Variants in STAT6 observed in about 807,000 individuals in gnomAD.
STAT6 encodes signal transducer and activator of transcription 6.
In STAT6, 45 loss-of-function variants were observed where a neutral mutation model predicts 106.3. The ratio of observed to expected loss-of-function variants is 0.42; its 90% CI spans 0.33 to 0.54. The LOEUF (loss-of-function observed/expected upper bound fraction) is 0.54, where lower values mean the gene tolerates loss of function less well. STAT6 is among the 20% of genes least tolerant of loss of function. The pLI, the probability that STAT6 is intolerant of heterozygous loss-of-function variation, is 0.06. For synonymous variants in STAT6, 413 were observed against 413.6 expected, an observed-to-expected ratio of 1.00 and a Z score of 0.02; for missense variants, 797 against 1,062.2, an observed-to-expected ratio of 0.75 and a Z score of 3.47.
Position 57,098,560 on chromosome 12 carries a change from G to C in STAT6, c.2104C>G (p.Pro702Ala), listed in dbSNP as rs1247600710. 4 of 1,614,122 alleles carry C rather than the reference G, an allele frequency of 2.5e-6. No homozygotes were observed. Among genetic ancestry groups the C allele is most frequent in the African/African-American group, 1.3e-5 (1 of 75,020 alleles). ...TCTTCTGGGGAGAGGCCTTGATACG[G>C]GGGGATGGAGTGAGAGTGTGGTGGG... ...VYPPHSHSIP[P>A]YQGLSPEESV... Residue 702 changes from proline to alanine, a missense_variant, in exon 19 of 22, where the codon CCG (proline) becomes GCG (alanine). By Grantham distance (27) the Pro-to-Ala change is conservative (BLOSUM62 -1). Coordinates refer to ENST00000300134, the MANE Select transcript of STAT6 (RefSeq NM_003153.5).
At chr12:57,097,587 T>G (rs899992804) in intron 19 of STAT6, among the ~76,000 whole-genome samples, 1 of 152,164 alleles carries the variant, frequency 6.6e-6, no homozygotes, top group African/African-American at 2.4e-5. Flanking sequence ...ATGCACCACA[T>G]TAACGACATT....
intron 17 of STAT6, 38 bp from the exon 18 acceptor site, chr12:57,098,940 G>A: frequency 6.2e-7 from 1 of 1,612,884 alleles, no homozygotes; most frequent in Non-Finnish European, 8.5e-7. Context: ...CTGACCAAGG[G>A]TTGATGCCAC....
chr12:57,105,445 G>A (rs755850751), intron 8 of STAT6, 23 bp downstream of exon 8: 2 of 1,613,810 alleles, frequency 1.2e-6, no homozygotes, highest in South Asian at 2.2e-5. Context: ...TTCTAGGCCA[G>A]ACTGGGAGCT....
chr12:57,105,585 A>T lies in STAT6; in HGVS notation c.695T>A (p.Val232Glu). 1.2e-6 allele frequency: 2 copies of T among 1,613,848 alleles called. No homozygotes were observed. Among genetic ancestry groups the T allele is most frequent in the Non-Finnish European group, 1.7e-6 (2 of 1,179,882 alleles). ...CTGCTGTAGCTGGGAATAAATGTCC[A>T]CCAGGCTTTCACACCTGGGGCCAGG... ...APLQERCESL[V>E]DIYSQLQQEV... Residue 232 changes from valine to glutamate, a missense_variant, in exon 8 of 22, where the codon GTG (valine) becomes GAG (glutamate). Val to Glu is a moderately radical substitution (Grantham distance 121, BLOSUM62 -2). Around this residue, in one of 4 missense-constraint regions of STAT6, gnomAD observed 336 missense variants for 429.8 expected, o/e 0.78. Coordinates refer to ENST00000300134, the MANE Select transcript of STAT6 (RefSeq NM_003153.5).
intron 13 of STAT6, 108 bp downstream of exon 13, chr12:57,102,182 C>G (rs1403149203): frequency 4.9e-6 from 6 of 1,221,016 alleles, no homozygotes; most frequent in Non-Finnish European, 7.1e-6. Context: ...CCTGAGGGGG[C>G]ACTGTGGAGA....
intron 11 of STAT6, 43 bp from the exon 12 acceptor site, chr12:57,102,964 CCTTTTTTTTTTTTTTTTTTTTTTTTTTT>C: frequency 2.5e-5 from 7 of 279,912 alleles, no homozygotes; most frequent in South Asian, 1.0e-4. Context: ...TTCTTTCTTT[CCTTTTTTTTTTTTTTTTTTTTTTTTTTT>C]TTTTTTTTTT....
Position 57,099,724 on chromosome 12 carries a change from GGGCACA to G in STAT6, c.1744+37_1744+42del. On this transcript the variant is annotated intron_variant, in intron 15 of 21. Transcript: ENST00000300134. The surrounding 1 kb of genome is among the most constrained non-coding windows in gnomAD (Gnocchi z 4.7). ...TTTCATTCCCAGAAGAAACCCCAGA[GGGCACA>G]GGCACAGAGACAGAGGACTGGCTGG... 1 of 1,611,806 alleles carries G rather than the reference GGGCACA, an allele frequency of 6.2e-7. No homozygotes were observed. Among genetic ancestry groups the G allele is most frequent in the Non-Finnish European group, 8.5e-7 (1 of 1,178,600 alleles).
chr12:57,104,980 C>T (rs1377949084), intron 9 of STAT6, among the ~76,000 whole-genome samples, 167 bp from the exon 10 acceptor site: 1 of 152,038 alleles, frequency 6.6e-6, no homozygotes, highest in Non-Finnish European at 1.5e-5. Context: ...GATGCCCCCA[C>T]CCCATTCCAG....
rs140085200 is a variant in STAT6 at position 57,102,916 on chromosome 12, C to T, written c.1218G>A (p.Leu406=). The change falls in exon 12 of 22, where the codon CTG becomes CTA. Residue 406 remains leucine, a synonymous_variant. Coordinates refer to ENST00000300134, the MANE Select transcript of STAT6 (RefSeq NM_003153.5). The part of the protein sequence containing the change: ...PGKLPIQLQA[L]SLPLVVIVHG... ...GGACGATGACCACCAGGGGCAGAGA[C>T]AGGGCCTGAAGAGGGTGAGGACAGG... 325 of 1,589,832 alleles carry T rather than the reference C, an allele frequency of 2.0e-4. No individual in the cohort carries two copies. In the African/African-American group the frequency reaches 4.2e-3, roughly 21 times the overall value.
chr12:57,096,819 AC>A, intron 21 of STAT6, 30 bp downstream of exon 21: 2 of 1,613,386 alleles, frequency 1.2e-6, no homozygotes, highest in East Asian at 4.5e-5. Context: ...CCTAGATGCC[AC>A]CCAGCCTCCA....
intron 13 of STAT6, among the ~76,000 whole-genome samples, chr12:57,100,658 AAGAAAGAAAG>A (rs1490092556): frequency 3.4e-5 from 2 of 59,672 alleles, no homozygotes; most frequent in Admixed American, 1.9e-4. Context: ...GAAAGAAAGA[AAGAAAGAAAG>A]AAAGAAAGAA....
chr12:57,105,428 A>C (rs1464409737), intron 8 of STAT6, 40 bp downstream of exon 8: 2 of 1,610,502 alleles, frequency 1.2e-6, no homozygotes, highest in Admixed American at 3.3e-5. Context: ...TTTCTTCCCG[A>C]GGTCTGTTCT....
At chr12:57,104,194 T>C in intron 11 of STAT6, 2 of 456,362 alleles carry the variant, frequency 4.4e-6, no homozygotes, top group East Asian at 4.0e-5. Context: ...GACGTGTGTG[T>C]GCTGGCACGC....
chr12:57,096,318 G>T lies in STAT6; in HGVS notation c.*254C>A. The T allele has an allele frequency of 2.1e-6, 1 of 476,680 alleles. No individual in the cohort carries two copies. The highest frequency in any genetic ancestry group is 3.7e-6 in the Non-Finnish European group (1 of 269,238). The allele number at this position is 476,680 out of a possible 1,614,324, so 29.5% of individuals were successfully genotyped here. A position where few individuals can be genotyped will look rare whatever the true frequency, so the allele number is the denominator to read the frequency against. ...GCTGCAGGTGCAGGCATGTTGGGGT[G>T]TGTCTCAGAGCCTGAACTTCCCTTC... On this transcript the variant is annotated 3_prime_UTR_variant, in exon 22 of 22. Transcript: ENST00000300134.
chr12:57,106,619 TAGAG>T, intron 5 of STAT6, 39 bp from the exon 6 acceptor site: 7 of 1,613,742 alleles, frequency 4.3e-6, no homozygotes, highest in Non-Finnish European at 5.9e-6. Flanking sequence ...GCAGACAGAT[TAGAG>T]GTTCAGATAA....
At chr12:57,101,557 T>A (rs2033933889) in intron 13 of STAT6, among the ~76,000 whole-genome samples, 1 of 150,972 alleles carries the variant, frequency 6.6e-6, no homozygotes, top group African/African-American at 2.4e-5. Context: ...AGAGACGGGG[T>A]TTTGCCATGT....
rs147704041 is a variant in STAT6, at chr12:57,102,927, G to A, written c.1213-6C>T. On this transcript the variant is annotated splice_polypyrimidine_tract_variant and splice_region_variant and intron_variant, in intron 11 of 21. Transcript: ENST00000300134. The stretch of plus-strand genomic sequence containing the variant: ...ACCAGGGGCAGAGACAGGGCCTGAA[G>A]AGGGTGAGGACAGGGGTTTCTTTTC... The A allele has an allele frequency of 2.1e-3, 3,122 of 1,519,908 alleles. 49 individuals are homozygous for A. In the Admixed American group the frequency reaches 0.031, roughly 15 times the overall value. The allele number at this position is 1,519,908 out of a possible 1,614,324, so 94.2% of individuals were successfully genotyped here. A position where few individuals can be genotyped will look rare whatever the true frequency, so the allele number is the denominator to read the frequency against.
At chr12:57,098,718 C>G in intron 18 of STAT6, 74 bp downstream of exon 18, 1 of 1,558,852 alleles carries the variant, frequency 6.4e-7, no homozygotes, top group South Asian at 1.1e-5. Flanking sequence ...CCAGTGCCAG[C>G]TCTCCCAGCT....
At chr12:57,105,905 C>T in intron 7 of STAT6, 1 of 642,504 alleles carries the variant, frequency 1.6e-6, no homozygotes, top group Non-Finnish European at 2.6e-6. Flanking sequence ...AAAGTGTTCC[C>T]ACCCAATAAA....
Sources: gnomAD v4.1 joint callset for allele counts (sites outside exome capture counted in the v4.1 genomes callset) on GRCh38, gnomAD v4.1.1 for gene constraint, gnomAD v4.1.1 regional missense constraint, Gnocchi (gnomAD v3.1) non-coding constraint, MANE v1.5 for transcripts, NCBI Gene and HGNC (gene_info 2026-07-23, HGNC 2026-07-21) for gene names.